Variants in EGFR observed in about 807,000 individuals in gnomAD.
EGFR encodes avian erythroblastic leukemia viral (v-erb-b) oncogene homolog.
In EGFR, 58 loss-of-function variants were observed where a neutral mutation model predicts 143.0. The ratio of observed to expected loss-of-function variants is 0.41; its 90% confidence interval spans 0.33 to 0.50. The LOEUF (loss-of-function observed/expected upper bound fraction) is 0.50. EGFR is among the 20% of genes least tolerant of loss of function. The probability of loss-of-function intolerance (pLI) is 0.39; values close to 1 mark genes in which losing one functional copy is unlikely to be tolerated. For synonymous variants in EGFR, 613 were observed against 594.4 expected (o/e 1.03, Z -0.45); for missense variants, 1,307 against 1,579.0 (o/e 0.83, Z 2.92).
intron 1 of EGFR, among the ~76,000 whole-genome samples, chr7:55,133,337 G>C (rs1793960504): frequency 1.3e-5 from 2 of 152,274 alleles, no homozygotes; most frequent in Admixed American, 1.3e-4. Context: ...GGCTGGGCTG[G>C]GCTGTGCAGT....
intron 16 of EGFR, 166 bp from the exon 17 acceptor site, chr7:55,172,816 GC>G (rs1210915139): frequency 6.5e-7 from 1 of 1,544,322 alleles, no homozygotes; most frequent in East Asian, 2.4e-5. Context: ...TGGAAACGTT[GC>G]CTTAGAAGCC....
rs1469425028 is a variant in EGFR at position 55,205,966 on chromosome 7, T to C, written c.*349T>C. ...ATCTTGGAGTTTTTCATTGTCGCTATTGATTTTTACTTCAATGGGCTCTTC... is the reference window on the plus strand; with the variant it reads ...ATCTTGGAGTTTTTCATTGTCGCTACTGATTTTTACTTCAATGGGCTCTTC... On this transcript the variant is annotated 3_prime_UTR_variant, in exon 28 of 28. Transcript: ENST00000275493. The C allele has an allele frequency of 5.3e-5, 22 of 412,912 alleles. No homozygotes were observed. Among genetic ancestry groups the C allele is most frequent in the South Asian group, 4.4e-4 (17 of 38,234 alleles). 25.6% of individuals were successfully genotyped at this position (412,912 alleles called of 1,614,324 possible).
intron 1 of EGFR, 35 bp downstream of exon 1, chr7:55,019,400 C>T (rs1332068532): frequency 7.5e-6 from 10 of 1,339,558 alleles, no homozygotes; most frequent in African/African-American, 4.6e-5. Context: ...CGCGCCGCCC[C>T]CGGATCGCGC....
At chr7:55,143,115 A>T (rs763353624) in intron 2 of EGFR, among the ~76,000 whole-genome samples, 190 bp from the exon 3 acceptor site, 1 of 152,156 alleles carries the variant, frequency 6.6e-6, no homozygotes, top group Non-Finnish European at 1.5e-5. Context: ...ACGTGCAGGG[A>T]TTGTTGCAGA....
In EGFR at chr7:55,118,139, C is replaced by T. The variant is rs75593321; in HGVS notation, c.89-24147C>T. ...CATAAAATGCTTAGATGGAGATTACCCTTTTGAGCATTTTGCCAGTGCTTC... is the reference window on the plus strand; with the variant it reads ...CATAAAATGCTTAGATGGAGATTACTCTTTTGAGCATTTTGCCAGTGCTTC... On this transcript the variant is annotated intron_variant, in intron 1 of 27. Transcript: ENST00000275493. Among the ~76,000 whole-genome samples the T allele has an allele frequency of 8.2e-3, 1,243 of 152,188 alleles. 15 individuals are homozygous for T. The highest frequency in any genetic ancestry group is 0.029 in the African/African-American group (1,198 of 41,526).
rs190610314 is a variant in EGFR, at chr7:55,185,205, C to T, written c.2469+3727C>T. Among the ~76,000 whole-genome samples, 171 of 152,292 alleles carry T rather than the reference C, an allele frequency of 1.1e-3. 7 individuals are homozygous for T. The highest frequency in any genetic ancestry group is 0.011 in the Admixed American group (166 of 15,304). ...GAGGAATCCATATGAGACCAGTAGA[C>T]CATGAGAGAGACATCCCTTGCCATC... is the stretch of plus-strand genomic sequence containing the variant. On this transcript the variant is annotated intron_variant, in intron 20 of 27. Transcript: ENST00000275493.
At chr7:55,145,618 T>C (rs1281332500) in intron 3 of EGFR, among the ~76,000 whole-genome samples, 1 of 152,220 alleles carries the variant, frequency 6.6e-6, no homozygotes, top group East Asian at 1.9e-4. Context: ...CCCACGTTGG[T>C]ACTCTGTACA....
intron 1 of EGFR, among the ~76,000 whole-genome samples, chr7:55,038,132 C>T (rs879409009): frequency 6.6e-6 from 1 of 152,118 alleles, no homozygotes; most frequent in Non-Finnish European, 1.5e-5. Context: ...GGTGGAGCCA[C>T]AGTACATTCA....
At chr7:55,157,626 C>T (rs1162041382) in intron 10 of EGFR, 37 bp from the exon 11 acceptor site, 21 of 1,570,012 alleles carry the variant, frequency 1.3e-5, no homozygotes, top group African/African-American at 1.1e-4. Context: ...GAAACTCCTA[C>T]GTGGTGTGTG....
chr7:55,195,353 C>A (rs1787572064), intron 22 of EGFR, among the ~76,000 whole-genome samples: 4 of 152,194 alleles, frequency 2.6e-5, no homozygotes, highest in Admixed American at 6.5e-5. Flanking sequence ...GCCATCAGAA[C>A]TCGGGGTTGT....
At chr7:55,137,394 C>T (rs1010050553) in intron 1 of EGFR, among the ~76,000 whole-genome samples, 6 of 152,182 alleles carry the variant, frequency 3.9e-5, no homozygotes, top group African/African-American at 1.2e-4. Flanking sequence ...TGTTCTAATA[C>T]TGTGTCTTAA....
At chr7:55,181,660 G>A in intron 20 of EGFR, 182 bp downstream of exon 20, 1 of 719,696 alleles carries the variant, frequency 1.4e-6, no homozygotes, top group Non-Finnish European at 2.3e-6. Flanking sequence ...ATCAGTGCCT[G>A]TCCCATCTGC....
At chr7:55,086,782 G>A (rs1381901579) in intron 1 of EGFR, among the ~76,000 whole-genome samples, 2 of 152,208 alleles carry the variant, frequency 1.3e-5, no homozygotes, top group African/African-American at 2.4e-5. Flanking sequence ...GGGGTTTGAC[G>A]ACCCATGGGA....
chr7:55,144,883 T>C (rs1794674937), intron 3 of EGFR, among the ~76,000 whole-genome samples: 1 of 152,184 alleles, frequency 6.6e-6, no homozygotes, highest in African/African-American at 2.4e-5. Context: ...TTCAAAAATG[T>C]GGATGGCATA....
In EGFR at chr7:55,163,767, A is replaced by T. The variant is rs1785820815; in HGVS notation, c.1666A>T (p.Ile556Leu). The change falls in exon 14 of 28, where the codon ATA becomes TTA. Residue 556 changes from isoleucine to leucine, a missense_variant. Coordinates refer to ENST00000275493, the MANE Select transcript of EGFR (RefSeq NM_005228.5). ...PREFVENSEC[I>L]QCHPECLPQA... ...GGAGTTTGTGGAGAACTCTGAGTGC[A>T]TACAGTGCCACCCAGAGTGCCTGCC... 1 of 1,614,206 alleles carries T rather than the reference A, an allele frequency of 6.2e-7. No individual in the cohort carries two copies.
chr7:55,144,660 C>T (rs1480210141), intron 3 of EGFR, among the ~76,000 whole-genome samples: 3 of 152,254 alleles, frequency 2.0e-5, no homozygotes, highest in Admixed American at 2.0e-4. Context: ...AGAGCAGCCG[C>T]GCACATGCTT....
intron 1 of EGFR, among the ~76,000 whole-genome samples, chr7:55,041,268 C>A (rs547756112): frequency 2.6e-4 from 40 of 152,282 alleles, no homozygotes; most frequent in Middle Eastern, 6.8e-3. Context: ...CAAAAATTAG[C>A]TGGATGATGG....
At chr7:55,147,395 C>T (rs940921791) in intron 4 of EGFR, among the ~76,000 whole-genome samples, 1 of 152,120 alleles carries the variant, frequency 6.6e-6, no homozygotes, top group Admixed American at 6.5e-5. Context: ...GGGCTGCGCC[C>T]GTTCCTGATC....
chr7:55,133,333 G>A (rs958862597), intron 1 of EGFR, among the ~76,000 whole-genome samples: 6 of 152,168 alleles, frequency 3.9e-5, no homozygotes, highest in Non-Finnish European at 5.9e-5. Context: ...TGGAGGCTGG[G>A]CTGGGCTGTG....
Sources: gnomAD v4.1 joint callset for allele counts (sites outside exome capture counted in the v4.1 genomes callset) on GRCh38, gnomAD v4.1.1 for gene constraint, MANE v1.5 for transcripts, NCBI Gene and HGNC (gene_info 2026-07-23, HGNC 2026-07-21) for gene names.